The following TBC1D22A variants were observed in gnomAD, a reference collection of about 807,000 sequenced individuals.
TBC1D22A encodes putative GTPase activator.
TBC1D22A carries 38 observed loss-of-function variants against 60.2 expected under a neutral mutation model. The ratio of observed to expected loss-of-function variants is 0.63; its 90% CI spans 0.49 to 0.83. The LOEUF (loss-of-function observed/expected upper bound fraction) is 0.83. Among genes scored for constraint, TBC1D22A ranks in the 40% least tolerant of loss-of-function variants. TBC1D22A has a pLI of 0.00. For missense variants in TBC1D22A, 628 were observed against 701.0 expected, an observed-to-expected ratio of 0.90 and a Z score of 1.18; for synonymous variants, 302 against 281.7, an observed-to-expected ratio of 1.07 and a Z score of -0.72.
chr22:46,776,931 C>T (rs1290529874), intron 1 of TBC1D22A, among the ~76,000 whole-genome samples: 5 of 151,824 alleles, frequency 3.3e-5, no homozygotes, highest in Non-Finnish European at 5.9e-5. Context: ...TGGGGAGTGA[C>T]CCATCCTCTG....
intron 4 of TBC1D22A, among the ~76,000 whole-genome samples, chr22:46,812,669 CTG>C (rs751388504): frequency 3.0e-4 from 46 of 152,188 alleles, no homozygotes; most frequent in Non-Finnish European, 8.8e-5. Flanking sequence ...AGAAGGCTCA[CTG>C]TGTTTAGCGA....
intron 12 of TBC1D22A, among the ~76,000 whole-genome samples, chr22:47,143,893 A>G (rs1232157252): frequency 1.3e-5 from 2 of 152,244 alleles, no homozygotes; most frequent in Non-Finnish European, 2.9e-5. Flanking sequence ...CACCGGAAAC[A>G]CGTGGAGAGG....
chr22:47,090,803 C>A (rs111314243), intron 11 of TBC1D22A, among the ~76,000 whole-genome samples: 1,029 of 93,914 alleles, frequency 0.011, 19 homozygotes, highest in African/African-American at 0.039. Flanking sequence ...AGTGGCCTCG[C>A]GGAGGGGGTG....
At chr22:46,989,512 T>C (rs2074853686) in intron 9 of TBC1D22A, among the ~76,000 whole-genome samples, 1 of 152,116 alleles carries the variant, frequency 6.6e-6, no homozygotes, top group African/African-American at 2.4e-5. Context: ...TGGCCTAATA[T>C]CAATCTTGTT....
At chr22:46,925,345 G>A (rs1430945502) in intron 8 of TBC1D22A, among the ~76,000 whole-genome samples, 1 of 152,256 alleles carries the variant, frequency 6.6e-6, no homozygotes, top group Non-Finnish European at 1.5e-5. Flanking sequence ...CAAGCAGAGA[G>A]TTCCCTGGGG....
intron 4 of TBC1D22A, among the ~76,000 whole-genome samples, chr22:46,856,782 A>T (rs528543257): frequency 6.6e-6 from 1 of 152,342 alleles, no homozygotes; most frequent in South Asian, 2.1e-4. Context: ...GCTCTAATTT[A>T]ATCACTTCCG....
At chr22:46,989,809 A>AT (rs1406987612) in intron 9 of TBC1D22A, among the ~76,000 whole-genome samples, 1 of 150,170 alleles carries the variant, frequency 6.7e-6, no homozygotes, top group Non-Finnish European at 1.5e-5. Context: ...TATATATATT[A>AT]TTTTTTATTT....
chr22:46,762,833 G>A lies in TBC1D22A; in HGVS notation c.47G>A (p.Ser16Asn). The A allele has an allele frequency of 1.4e-6, 2 of 1,464,026 alleles. No homozygotes were observed. The highest frequency in any genetic ancestry group is 1.4e-5 in the South Asian group (1 of 71,168). The allele number at this position is 1,464,026 out of a possible 1,614,324, so 90.7% of individuals were successfully genotyped here. Reference sequence around the variant, plus strand: ...AAGCAATTCTGGAAGCGCAGCAACAGCAAGCTCCCGGGCAGGTGGGTGTGC... The same window carrying A: ...AAGCAATTCTGGAAGCGCAGCAACAACAAGCTCCCGGGCAGGTGGGTGTGC... ...ARKQFWKRSN[S>N]KLPGSIQHVY... is the part of the protein sequence containing the mutation. Residue 16 changes from serine (S) to asparagine (N), a missense_variant, in exon 1 of 13, where the codon AGC (serine) becomes AAC (asparagine). Transcript: ENST00000337137.
At chr22:47,082,428 G>C (rs570373719) in intron 11 of TBC1D22A, among the ~76,000 whole-genome samples, 1 of 152,236 alleles carries the variant, frequency 6.6e-6, no homozygotes, top group South Asian at 2.1e-4. Context: ...TAATAGAATC[G>C]AGTAGAGATC....
chr22:46,792,944 G>A (rs2084483468), intron 2 of TBC1D22A: 2 of 1,220,376 alleles, frequency 1.6e-6, no homozygotes, highest in Non-Finnish European at 2.2e-6. Flanking sequence ...GCCCTGGCCT[G>A]TCCTGGCCCC....
chr22:47,065,655 G>GC (rs57925231), intron 11 of TBC1D22A, among the ~76,000 whole-genome samples: 2 of 151,012 alleles, frequency 1.3e-5, no homozygotes, highest in African/African-American at 2.4e-5. Context: ...GGGTTGGATT[G>GC]AGGGAGACCT....
At chr22:47,140,567 AAAGAAAGAAAG>A (rs757594089) in intron 12 of TBC1D22A, among the ~76,000 whole-genome samples, 3 of 145,198 alleles carry the variant, frequency 2.1e-5, no homozygotes, top group African/African-American at 8.1e-5. Flanking sequence ...AAAAAAAAAA[AAAGAAAGAAAG>A]AAAGAAAGAA....
chr22:46,814,170 T>C (rs1442550440), intron 4 of TBC1D22A, among the ~76,000 whole-genome samples: 1 of 152,226 alleles, frequency 6.6e-6, no homozygotes, highest in Non-Finnish European at 1.5e-5. Context: ...AGATGGTCAG[T>C]GTTTGAAATT....
chr22:46,936,198 G>T (rs2071641231), intron 8 of TBC1D22A, among the ~76,000 whole-genome samples: 1 of 152,370 alleles, frequency 6.6e-6, no homozygotes, highest in Non-Finnish European at 1.5e-5. Context: ...TGTGATGGCT[G>T]TAGGGACTTG....
rs1236453868 is a variant in TBC1D22A, at chr22:46,847,919, GT to G, written c.638-30733del. Among the ~76,000 whole-genome samples the G allele has an allele frequency of 6.7e-3, 89 of 13,204 alleles. 1 individual carries two copies. The Middle Eastern group carries it at 0.12, about 19-fold the overall frequency. 8.7% of individuals were successfully genotyped at this position (13,204 alleles called of 152,430 possible). A position where few individuals can be genotyped will look rare whatever the true frequency, so the allele number is the denominator to read the frequency against. ...AGAAATAGTCAAGGTACCCTAGTGG[GT>G]GTGTGTGTGTGTGTGTGTGTGTGTG... On this transcript the variant is annotated intron_variant, in intron 4 of 12. Transcript: ENST00000337137.
chr22:47,048,281 C>A lies in TBC1D22A; in HGVS notation c.1329+11083C>A, dbSNP rs563468871. Among the ~76,000 whole-genome samples, 8 of 152,256 alleles carry A rather than the reference C, an allele frequency of 5.3e-5. No homozygotes were observed. The South Asian group carries it at 1.7e-3, about 32-fold the overall frequency. ...CCTCAGAGCACCCCCTTAGCACTTA[C>A]CGGGTCAGCCCAAGCCCAGGGTCAC... On this transcript the variant is annotated intron_variant, in intron 11 of 12. Coordinates refer to ENST00000337137, the MANE Select transcript of TBC1D22A (RefSeq NM_014346.5).
chr22:46,783,610 T>C (rs943276988), intron 1 of TBC1D22A, among the ~76,000 whole-genome samples: 7 of 151,478 alleles, frequency 4.6e-5, no homozygotes, highest in East Asian at 1.9e-4. Context: ...TTACCACTCA[T>C]GTGTATCAAA....
At chr22:47,160,381 G>A (rs1207659474) in intron 12 of TBC1D22A, among the ~76,000 whole-genome samples, 1 of 152,218 alleles carries the variant, frequency 6.6e-6, no homozygotes, top group African/African-American at 2.4e-5. Flanking sequence ...GAATCATGTG[G>A]CCCATTGATC....
At chr22:47,123,239 C>T (rs747928403) in intron 12 of TBC1D22A, among the ~76,000 whole-genome samples, 2 of 152,146 alleles carry the variant, frequency 1.3e-5, no homozygotes, top group African/African-American at 2.4e-5. Flanking sequence ...GTGACGCTTC[C>T]TCCATTCTCT....
Sources: allele counts gnomAD v4.1 joint callset (sites outside exome capture counted in the v4.1 genomes callset), GRCh38; gene constraint gnomAD v4.1.1; transcripts MANE v1.5; gene names NCBI Gene and HGNC (gene_info 2026-07-23, HGNC 2026-07-21).